SANBR: variants seen among roughly 807,000 people sequenced by gnomAD.
SANBR encodes the protein SANT and BTB domain regulator of CSR.
Under a neutral mutation model 101.8 loss-of-function variants are expected in SANBR, and 77 were observed. That is an observed-to-expected ratio of 0.76 (90% CI 0.63 to 0.91). The LOEUF (loss-of-function observed/expected upper bound fraction) is 0.91. Ranked by LOEUF, SANBR falls within the 40% of genes least tolerant of loss-of-function variation. The pLI is 0.00. For synonymous variants in SANBR, 279 were observed against 274.7 expected (o/e 1.02, Z -0.15); for missense variants, 875 against 853.0 (o/e 1.03, Z -0.32).
At position 61,088,341 on chromosome 2, in the gene SANBR, A is replaced by G. The variant is rs776258198; in HGVS notation, c.978-17A>G. 3.2e-6 allele frequency: 5 copies of G among 1,573,414 alleles called. No individual in the cohort carries two copies. The South Asian group carries it at 3.5e-5, about 11-fold the overall frequency. On this transcript the variant is annotated splice_polypyrimidine_tract_variant and intron_variant, in intron 9 of 21. Coordinates refer to ENST00000402291, the MANE Select transcript of SANBR (RefSeq NM_001129993.3). ...ATTCTTCTTCCTGGATGTTTTTTGT[A>G]TCTTCTTTGTTTATAGATGCTGTTT...
chr2:61,087,995 T>C (rs898046934), intron 8 of SANBR, among the ~76,000 whole-genome samples, 164 bp from the exon 9 acceptor site: 2 of 152,182 alleles, frequency 1.3e-5, no homozygotes. Context: ...AATAATAAAC[T>C]GTTAATTTTA....
At chr2:61,111,005 G>C (rs1683803891) in intron 16 of SANBR, among the ~76,000 whole-genome samples, 1 of 152,148 alleles carries the variant, frequency 6.6e-6, no homozygotes, top group African/African-American at 2.4e-5. Flanking sequence ...ACTTTCAGAT[G>C]CCATCAGTAG....
intron 5 of SANBR, among the ~76,000 whole-genome samples, chr2:61,074,186 C>A (rs915185137): frequency 1.3e-5 from 2 of 152,098 alleles, no homozygotes; most frequent in Non-Finnish European, 2.9e-5. Context: ...TTTTCAAGAA[C>A]AGCTTGCTTT....
intron 15 of SANBR, 140 bp downstream of exon 15, chr2:61,108,489 A>G: frequency 1.8e-6 from 1 of 543,054 alleles, no homozygotes; most frequent in Non-Finnish European, 3.2e-6. Flanking sequence ...CCTATTTTGC[A>G]CTTAAGTAAA....
Position 61,097,695 on chromosome 2 carries a change from A to C in SANBR, c.1213-5A>C. On this transcript the variant is annotated splice_region_variant and splice_polypyrimidine_tract_variant and intron_variant, in intron 11 of 21. Transcript: ENST00000402291. ...AGTAGTTGATTTTATCTATGTCTTT[A>C]TCAGGCCTTTCTCTGTATTGAATTT... is the stretch of plus-strand genomic sequence containing the variant. The C allele has an allele frequency of 3.8e-6, 6 of 1,586,388 alleles. No homozygotes were observed. The highest frequency in any genetic ancestry group is 5.2e-6 in the Non-Finnish European group (6 of 1,161,810).
intron 3 of SANBR, among the ~76,000 whole-genome samples, chr2:61,070,762 T>C (rs1681422453): frequency 6.8e-6 from 1 of 147,844 alleles, no homozygotes; most frequent in Non-Finnish European, 1.5e-5. Context: ...TTTTATATTA[T>C]ATATATATTT....
At chr2:61,107,406 A>C (rs576122648) in intron 14 of SANBR, among the ~76,000 whole-genome samples, 1 of 152,010 alleles carries the variant, frequency 6.6e-6, no homozygotes, top group South Asian at 2.1e-4. Context: ...ACAAACACAC[A>C]AAAGTTTCAA....
At chr2:61,103,128 T>G (rs1683371666) in intron 12 of SANBR, among the ~76,000 whole-genome samples, 2 of 149,486 alleles carry the variant, frequency 1.3e-5, no homozygotes, top group Admixed American at 1.3e-4. Context: ...AAAAACATAA[T>G]TTTTCTTTCT....
intron 2 of SANBR, 46 bp from the exon 3 acceptor site, chr2:61,070,289 AAAACATT>A: frequency 1.5e-6 from 2 of 1,357,686 alleles, no homozygotes; most frequent in Non-Finnish European, 2.0e-6. Context: ...TAATGTTCTG[AAAACATT>A]TGGATTTCGG....
rs186372544 is a variant in SANBR, at chr2:61,083,104, A to T, written c.730-50A>T. The T allele has an allele frequency of 1.3e-5, 17 of 1,346,964 alleles. 1 individual carries two copies. In the Admixed American group the frequency reaches 3.0e-4, roughly 24 times the overall value. The allele number at this position is 1,346,964 out of a possible 1,614,324, so 83.4% of individuals were successfully genotyped here. A position where few individuals can be genotyped will look rare whatever the true frequency, so the allele number is the denominator to read the frequency against. On this transcript the variant is annotated intron_variant, in intron 7 of 21. Coordinates refer to ENST00000402291, the MANE Select transcript of SANBR (RefSeq NM_001129993.3). ...TATCTTTGAAAGGTATTGCTATGAC[A>T]TTGTCCTTCATGCTACTATTTTCGA...
At chr2:61,084,572 T>G (rs1218093901) in intron 8 of SANBR, among the ~76,000 whole-genome samples, 3 of 151,966 alleles carry the variant, frequency 2.0e-5, no homozygotes, top group African/African-American at 7.3e-5. Context: ...CAAATAAAAA[T>G]TATTAAAACA....
chr2:61,113,545 T>A (rs1261377685), intron 16 of SANBR, among the ~76,000 whole-genome samples: 1 of 152,204 alleles, frequency 6.6e-6, no homozygotes, highest in Non-Finnish European at 1.5e-5. Context: ...TTGAACATCT[T>A]TTGTTAAATT....
At chr2:61,112,078 C>G (rs978732422) in intron 16 of SANBR, among the ~76,000 whole-genome samples, 13 of 152,254 alleles carry the variant, frequency 8.5e-5, no homozygotes, top group African/African-American at 3.1e-4. Context: ...AGTGAAATTA[C>G]TAGATCATAT....
chr2:61,130,991 GCAATCGACAAGCC>G (rs987538532), intron 20 of SANBR, among the ~76,000 whole-genome samples: 1 of 77,162 alleles, frequency 1.3e-5, no homozygotes, highest in Non-Finnish European at 2.6e-5. Flanking sequence ...TGCATAAAAA[GCAATCGACAAGCC>G]CAATATTCTT....
chr2:61,126,492 A>G (rs1278324471), downstream of SANBR, among the ~76,000 whole-genome samples: 4 of 152,102 alleles, frequency 2.6e-5, no homozygotes, highest in African/African-American at 9.7e-5. Flanking sequence ...ATAGCATCCC[A>G]TCAAACCTAG....
chr2:61,080,700 A>G (rs1682072092), intron 6 of SANBR, among the ~76,000 whole-genome samples: 1 of 152,136 alleles, frequency 6.6e-6, no homozygotes, highest in African/African-American at 2.4e-5. Flanking sequence ...CAGCCTGGCA[A>G]CAGAGTGAGA....
chr2:61,103,773 C>G (rs942832097), intron 12 of SANBR, 80 bp from the exon 13 acceptor site: 37 of 1,331,994 alleles, frequency 2.8e-5, no homozygotes, highest in Admixed American at 4.3e-5. Flanking sequence ...TATGACTTGG[C>G]AAAGAAAAGA....
intron 12 of SANBR, among the ~76,000 whole-genome samples, chr2:61,103,622 G>C (rs1031333873): frequency 1.3e-5 from 2 of 152,178 alleles, no homozygotes; most frequent in Admixed American, 6.5e-5. Flanking sequence ...TGGAGTGCTC[G>C]TAATGTTCTA....
At chr2:61,129,438 C>T (rs1202455502) in intron 20 of SANBR, among the ~76,000 whole-genome samples, 2 of 133,438 alleles carry the variant, frequency 1.5e-5, no homozygotes, top group African/African-American at 5.8e-5. Flanking sequence ...CAGCGAAACT[C>T]CATCTCAAAA....
Sources: gnomAD v4.1 joint callset for allele counts (sites outside exome capture counted in the v4.1 genomes callset) on GRCh38, gnomAD v4.1.1 for gene constraint, MANE v1.5 for transcripts, NCBI Gene and HGNC (gene_info 2026-07-23, HGNC 2026-07-21) for gene names.